The following MIS18A variants were observed in gnomAD, a reference collection of about 807,000 sequenced individuals.
The protein encoded by MIS18A is MIS18 kinetochore protein A, also known as protein Mis18-alpha.
In MIS18A, 14 loss-of-function variants were observed where a neutral mutation model predicts 25.0. The observed-to-expected ratio is 0.56, with a 90% CI of 0.37 to 0.88. The LOEUF (loss-of-function observed/expected upper bound fraction) is 0.88, where lower values mean the gene tolerates loss of function less well. Among genes scored for constraint, MIS18A ranks in the 40% least tolerant of loss-of-function variants. MIS18A has a pLI of 0.00. For missense variants in MIS18A, 292 were observed against 290.8 expected, an observed-to-expected ratio of 1.00 and a Z score of -0.03; for synonymous variants, 134 against 118.6, an observed-to-expected ratio of 1.13 and a Z score of -0.84.
the MIS18A span, among the ~76,000 whole-genome samples, chr21:32,206,259 T>G: frequency 6.6e-6 from 1 of 152,176 alleles, no homozygotes; most frequent in Non-Finnish European, 1.5e-5. Flanking sequence ...GGAAAAGTAT[T>G]TTCCATCCCT....
chr21:32,265,892 C>A (rs369797713), downstream of MIS18A, among the ~76,000 whole-genome samples: 1 of 152,036 alleles, frequency 6.6e-6, no homozygotes. Context: ...TGTGAGTGCA[C>A]CAATCGGCAC....
the MIS18A span, among the ~76,000 whole-genome samples, chr21:32,184,434 A>G: frequency 6.6e-6 from 1 of 152,248 alleles, no homozygotes; most frequent in Non-Finnish European, 1.5e-5. Flanking sequence ...GACCCAGGTT[A>G]CATGGGCTCC....
At chr21:32,211,060 AG>A in the MIS18A span, among the ~76,000 whole-genome samples, 1 of 152,174 alleles carries the variant, frequency 6.6e-6, no homozygotes, top group East Asian at 1.9e-4. Context: ...TTTTTCCTTG[AG>A]ATGGAGTCTT....
At chr21:32,203,182 GA>G in the MIS18A span, among the ~76,000 whole-genome samples, 91 of 139,452 alleles carry the variant, frequency 6.5e-4, no homozygotes, top group Non-Finnish European at 8.9e-4. Flanking sequence ...ACAGAAAAGA[GA>G]AAAAAAAAAT....
chr21:32,199,495 C>T, the MIS18A span, among the ~76,000 whole-genome samples: 1 of 152,090 alleles, frequency 6.6e-6, no homozygotes, highest in African/African-American at 2.4e-5. Context: ...CCACAGAATG[C>T]CCTAGCAGCT....
the MIS18A span, among the ~76,000 whole-genome samples, chr21:32,220,999 G>A: frequency 9.2e-5 from 14 of 152,176 alleles, no homozygotes; most frequent in Admixed American, 6.5e-5. Context: ...CCAAACCTAC[G>A]TTTGATTGGT....
At chr21:32,166,014 T>C in the MIS18A span, among the ~76,000 whole-genome samples, 1 of 152,248 alleles carries the variant, frequency 6.6e-6, no homozygotes, top group African/African-American at 2.4e-5. Flanking sequence ...CCCTGAGCAC[T>C]CCAAGGTCTA....
the MIS18A span, among the ~76,000 whole-genome samples, chr21:32,233,788 C>A: frequency 6.6e-6 from 1 of 152,136 alleles, no homozygotes; most frequent in African/African-American, 2.4e-5. Flanking sequence ...TTGTTCTGCT[C>A]CCACTCTGCC....
rs767869159 is a variant in MIS18A at position 32,278,755 on chromosome 21, C to T, written c.260G>A (p.Gly87Asp). The change falls in exon 1 of 5, where the codon GGC (glycine) becomes GAC (aspartate). Residue 87 changes from glycine to aspartate, a missense_variant. Transcript: ENST00000290130. Reference sequence around the variant, plus strand: ...CGAGTCGCCCAGCGGCCGCCGGCAGCCGGAGCACAGGAACACCAGCGGCCT... The same window carrying T: ...CGAGTCGCCCAGCGGCCGCCGGCAGTCGGAGCACAGGAACACCAGCGGCCT... ...EERPLVFLCS[G>D]CRRPLGDSLS... 12 of 1,577,616 alleles carry T rather than the reference C, an allele frequency of 7.6e-6. No individual in the cohort carries two copies. Among genetic ancestry groups the T allele is most frequent in the Non-Finnish European group, 9.4e-6 (11 of 1,167,752 alleles).
chr21:32,258,243 T>C, the MIS18A span, among the ~76,000 whole-genome samples: 1 of 152,148 alleles, frequency 6.6e-6, no homozygotes, highest in African/African-American at 2.4e-5. Context: ...ACTTCCAGTG[T>C]AGAATGCTAG....
the MIS18A span, among the ~76,000 whole-genome samples, chr21:32,199,464 A>G: frequency 1.3e-5 from 2 of 152,160 alleles, no homozygotes; most frequent in Admixed American, 6.5e-5. Flanking sequence ...AAAAGGAACT[A>G]AAAAAGAGGG....
intron 2 of MIS18A, among the ~76,000 whole-genome samples, chr21:32,273,601 C>T (rs1038741409): frequency 1.3e-5 from 2 of 152,120 alleles, no homozygotes; most frequent in Non-Finnish European, 2.9e-5. Context: ...GTTTTAGGAG[C>T]GACTAAGTAT....
At chr21:32,164,165 T>TTAAC in the MIS18A span, among the ~76,000 whole-genome samples, 2 of 152,144 alleles carry the variant, frequency 1.3e-5, no homozygotes, top group Admixed American at 6.6e-5. Context: ...GGGTCAGATT[T>TTAAC]TAACATAAGA....
At chr21:32,262,034 G>C in the MIS18A span, among the ~76,000 whole-genome samples, 8,307 of 152,322 alleles carry the variant, frequency 0.055, 315 homozygotes, top group South Asian at 0.12. Flanking sequence ...CAAGCTCAGA[G>C]TGAGGGAAGA....
chr21:32,205,928 AC>A, the MIS18A span, among the ~76,000 whole-genome samples: 18,393 of 150,184 alleles, frequency 0.12, 1,335 homozygotes, highest in African/African-American at 0.19. Context: ...GGTTTGAGAG[AC>A]CCCCCCCATT....
chr21:32,200,909 G>A, the MIS18A span, among the ~76,000 whole-genome samples: 3 of 152,158 alleles, frequency 2.0e-5, 1 homozygote, highest in African/African-American at 2.4e-5. Context: ...GGAGGCAGGA[G>A]AACCAGAGGA....
the MIS18A span, among the ~76,000 whole-genome samples, chr21:32,255,530 G>T: frequency 6.6e-6 from 1 of 151,124 alleles, no homozygotes; most frequent in East Asian, 2.0e-4. Flanking sequence ...ACCGCGCTTG[G>T]CATTCTTGGG....
chr21:32,277,129 A>C (rs1569016708), intron 1 of MIS18A, among the ~76,000 whole-genome samples: 1 of 152,162 alleles, frequency 6.6e-6, no homozygotes, highest in Non-Finnish European at 1.5e-5. Context: ...ATTTGTCTTT[A>C]CTGGGGGGTG....
the MIS18A span, among the ~76,000 whole-genome samples, chr21:32,184,181 C>G: frequency 6.6e-6 from 1 of 152,196 alleles, no homozygotes; most frequent in African/African-American, 2.4e-5. Context: ...TGCTTATCAT[C>G]CCCGCTCAGG....
Sources: allele counts gnomAD v4.1 joint callset (sites outside exome capture counted in the v4.1 genomes callset), GRCh38; gene constraint gnomAD v4.1.1; transcripts MANE v1.5; gene names NCBI Gene and HGNC (gene_info 2026-07-23, HGNC 2026-07-21).